The following NMBR variants were observed in gnomAD, a reference collection of about 807,000 sequenced individuals.
NMBR encodes the protein neuromedin-B receptor.
In NMBR, 16 loss-of-function variants were observed where a neutral mutation model predicts 20.5. The observed-to-expected ratio is 0.78, with a 90% CI of 0.53 to 1.19. The LOEUF (loss-of-function observed/expected upper bound fraction) is 1.19. Among genes scored for constraint, NMBR ranks in the 50% most tolerant of loss-of-function variants. The pLI is 0.00. For missense variants in NMBR, 582 were observed against 499.1 expected, an observed-to-expected ratio of 1.17 and a Z score of -1.58; for synonymous variants, 212 against 196.6, an observed-to-expected ratio of 1.08 and a Z score of -0.65.
chr6:142,115,660 G>T (rs1331526656), intron 1 of NMBR, among the ~76,000 whole-genome samples: 1 of 151,752 alleles, frequency 6.6e-6, no homozygotes, highest in Non-Finnish European at 1.5e-5. Flanking sequence ...ATGGAGAAGA[G>T]AGGTAATCTA....
rs934362668 is a variant in NMBR at position 142,133,845 on chromosome 6, A to G, written c.-664+13199T>C. 3.6e-5 allele frequency: 24 copies of G among 663,910 alleles called. No individual in the cohort carries two copies. In the Admixed American group the frequency reaches 4.4e-4, roughly 12 times the overall value. 41.1% of individuals were successfully genotyped at this position (663,910 alleles called of 1,614,324 possible). On this transcript the variant is annotated intron_variant, in intron 1 of 3. Coordinates refer to ENST00000258042, the MANE Select transcript of NMBR (RefSeq NM_002511.4). ...AAGATTTTTTTTCTCCTAAAACCAT[A>G]ACAGGTTAAACCTCCAACTGTGATT... is the stretch of plus-strand genomic sequence containing the variant.
At chr6:142,083,444 G>C (rs964908719) in intron 2 of NMBR, among the ~76,000 whole-genome samples, 2 of 152,046 alleles carry the variant, frequency 1.3e-5, no homozygotes, top group Admixed American at 6.6e-5. Context: ...TTAGTCCTGT[G>C]GTGTGTTGTT....
chr6:142,098,143 C>G (rs1367385280), intron 1 of NMBR, among the ~76,000 whole-genome samples: 3 of 152,032 alleles, frequency 2.0e-5, no homozygotes, highest in African/African-American at 7.2e-5. Context: ...AAAACAGCCC[C>G]AATTTTTTCA....
intron 1 of NMBR, among the ~76,000 whole-genome samples, chr6:142,103,985 C>T (rs1777611433): frequency 6.6e-6 from 1 of 152,146 alleles, no homozygotes; most frequent in Non-Finnish European, 1.5e-5. Flanking sequence ...AGATACCATA[C>T]TCTAGGATTT....
chr6:142,081,813 G>A (rs947313004), intron 2 of NMBR, among the ~76,000 whole-genome samples: 1 of 152,164 alleles, frequency 6.6e-6, no homozygotes, highest in African/African-American at 2.4e-5. Flanking sequence ...TAGCAGGTAT[G>A]TGTAAAAAGG....
intron 1 of NMBR, among the ~76,000 whole-genome samples, chr6:142,100,961 T>C (rs1777550906): frequency 6.6e-6 from 1 of 152,206 alleles, no homozygotes. Flanking sequence ...AGAGAATTAT[T>C]AGCCAAATTA....
intron 2 of NMBR, among the ~76,000 whole-genome samples, chr6:142,081,509 CT>C (rs1202984609): frequency 5.9e-5 from 9 of 152,102 alleles, no homozygotes; most frequent in Admixed American, 5.2e-4. Context: ...ATGATATTCT[CT>C]GAATGATACA....
intron 3 of NMBR, among the ~76,000 whole-genome samples, chr6:142,076,602 T>C (rs1331207498): frequency 6.6e-6 from 1 of 152,208 alleles, no homozygotes; most frequent in African/African-American, 2.4e-5. Context: ...CATTATTATA[T>C]TGTCACATTC....
chr6:142,132,553 T>G (rs755068186), intron 1 of NMBR, among the ~76,000 whole-genome samples: 150 of 152,194 alleles, frequency 9.9e-4, no homozygotes, highest in Admixed American at 1.8e-3. Flanking sequence ...AATATAGCAA[T>G]ACATCAATAA....
chr6:142,124,997 T>A (rs901369036), intron 1 of NMBR, among the ~76,000 whole-genome samples: 1 of 151,786 alleles, frequency 6.6e-6, no homozygotes, highest in African/African-American at 2.4e-5. Context: ...TACTAAGCCA[T>A]CCCCAGTTCC....
chr6:142,093,744 G>C (rs1477997354), intron 1 of NMBR, among the ~76,000 whole-genome samples: 1 of 152,118 alleles, frequency 6.6e-6, no homozygotes, highest in East Asian at 1.9e-4. Flanking sequence ...TTCCATAATG[G>C]TTGAACTAGT....
At chr6:142,127,719 C>T (rs1778063612) in intron 1 of NMBR, among the ~76,000 whole-genome samples, 1 of 151,282 alleles carries the variant, frequency 6.6e-6, no homozygotes, top group African/African-American at 2.4e-5. Flanking sequence ...CAGTTAATTC[C>T]TGAGTATTTT....
At position 142,088,662 on chromosome 6, in the gene NMBR, C is replaced by A; in HGVS notation, c.-4G>T. 6.3e-7 allele frequency: 1 copy of A among 1,596,182 alleles called. No homozygotes were observed. Among genetic ancestry groups the A allele is most frequent in the East Asian group, 2.2e-5 (1 of 44,700 alleles). On this transcript the variant is annotated 5_prime_UTR_variant, in exon 2 of 4. Transcript: ENST00000258042. ...TGGAAAGAGACTTAGAGGGCATGAT[C>A]TCCTTTCCAGCAGAGTCCGCTGGAG... is the stretch of plus-strand genomic sequence containing the variant.
intron 1 of NMBR, among the ~76,000 whole-genome samples, chr6:142,108,330 A>ATTT (rs1777696478): frequency 6.6e-6 from 1 of 152,212 alleles, no homozygotes; most frequent in Non-Finnish European, 1.5e-5. Context: ...AAGCAGCATG[A>ATTT]TAAAAATGAC....
chr6:142,137,190 C>A (rs2114612241), intron 1 of NMBR, among the ~76,000 whole-genome samples: 1 of 152,266 alleles, frequency 6.6e-6, no homozygotes, highest in South Asian at 2.1e-4. Flanking sequence ...GTTTGCAGTT[C>A]TCCTTGAAGA....
At chr6:142,089,682 T>C (rs1777284254) in intron 1 of NMBR, among the ~76,000 whole-genome samples, 1 of 152,192 alleles carries the variant, frequency 6.6e-6, no homozygotes, top group South Asian at 2.1e-4. Context: ...CTCGACACCA[T>C]ATCTGTGAGA....
At chr6:142,112,517 T>G (rs1777784012) in intron 1 of NMBR, among the ~76,000 whole-genome samples, 1 of 152,224 alleles carries the variant, frequency 6.6e-6, no homozygotes, top group African/African-American at 2.4e-5. Flanking sequence ...ATGTGGCATC[T>G]GCACTCCTCA....
chr6:142,095,476 A>G (rs1377962163), intron 1 of NMBR, among the ~76,000 whole-genome samples: 1 of 152,126 alleles, frequency 6.6e-6, no homozygotes, highest in Admixed American at 6.5e-5. Context: ...CATATGTTGA[A>G]CCAGCCTTGC....
chr6:142,121,592 T>C (rs1290081567), intron 1 of NMBR, among the ~76,000 whole-genome samples: 1 of 151,960 alleles, frequency 6.6e-6, no homozygotes, highest in Non-Finnish European at 1.5e-5. Flanking sequence ...CTCAGTAGCT[T>C]AGCTTCAAAA....
Sources: gnomAD v4.1 joint callset for allele counts (sites outside exome capture counted in the v4.1 genomes callset) on GRCh38, gnomAD v4.1.1 for gene constraint, MANE v1.5 for transcripts, NCBI Gene and HGNC (gene_info 2026-07-23, HGNC 2026-07-21) for gene names.